Variants in ITGB3BP observed in about 807,000 individuals in gnomAD.
ITGB3BP encodes the protein centromere protein R.
A neutral mutation model predicts 29.1 loss-of-function variants in ITGB3BP; 27 were observed. The observed-to-expected ratio is 0.93, with a 90% CI of 0.68 to 1.28. The LOEUF (loss-of-function observed/expected upper bound fraction) is 1.28. Ranked by LOEUF, ITGB3BP falls within the 50% of genes most tolerant of loss-of-function variation. ITGB3BP has a pLI of 0.00. For synonymous variants in ITGB3BP, 61 were observed against 61.4 expected, an observed-to-expected ratio of 0.99 and a Z score of 0.03; for missense variants, 192 against 200.2, an observed-to-expected ratio of 0.96 and a Z score of 0.25.
At chr1:63,441,802 T>G (rs1644734010) in intron 8 of ITGB3BP, among the ~76,000 whole-genome samples, 1 of 152,186 alleles carries the variant, frequency 6.6e-6, no homozygotes, top group East Asian at 1.9e-4. Flanking sequence ...TATGTCCCTC[T>G]GGGGACTCCT....
chr1:63,489,496 G>A (rs1645600602), intron 3 of ITGB3BP, among the ~76,000 whole-genome samples: 1 of 150,586 alleles, frequency 6.6e-6, no homozygotes, highest in East Asian at 1.9e-4. Flanking sequence ...AATATGTATG[G>A]TCAAAATTAA....
chr1:63,523,399 A>G, upstream of ITGB3BP: 1 of 552,288 alleles, frequency 1.8e-6, no homozygotes, highest in Non-Finnish European at 3.3e-6. Context: ...TACTCTGGCC[A>G]TACCACCCCC....
At chr1:63,496,030 T>C (rs1413712382) in intron 2 of ITGB3BP, among the ~76,000 whole-genome samples, 5 of 152,036 alleles carry the variant, frequency 3.3e-5, no homozygotes, top group Admixed American at 1.3e-4. Flanking sequence ...AAAGGGGCAG[T>C]TGAGGAAACA....
intron 1 of ITGB3BP, among the ~76,000 whole-genome samples, chr1:63,519,518 C>T (rs987633859): frequency 2.0e-5 from 3 of 152,038 alleles, no homozygotes; most frequent in Admixed American, 6.6e-5. Flanking sequence ...CTGACTTTTA[C>T]AAGCAGGAAA....
intron 4 of ITGB3BP, chr1:63,457,422 A>G (rs1444686609): frequency 6.6e-6 from 1 of 152,134 alleles, no homozygotes; most frequent in African/African-American, 2.4e-5. Flanking sequence ...TGTATTTTCA[A>G]TGCATGGTTC....
In ITGB3BP at chr1:63,488,921, T is replaced by C. The variant is rs17125040; in HGVS notation, c.184+1162A>G. ...TGAAATCATGTGACCAATCTTTTTATGGGCAAAAGGAATGTCCCCTTAAGT... is the reference window on the plus strand; with the variant it reads ...TGAAATCATGTGACCAATCTTTTTACGGGCAAAAGGAATGTCCCCTTAAGT... On this transcript the variant is annotated intron_variant, in intron 3 of 8. Coordinates refer to ENST00000271002, the MANE Select transcript of ITGB3BP (RefSeq NM_014288.5). Among the ~76,000 whole-genome samples the C allele has an allele frequency of 9.7e-3, 1,472 of 152,182 alleles. 23 individuals carry two copies. The highest frequency in any genetic ancestry group is 0.033 in the African/African-American group (1,360 of 41,550).
At chr1:63,448,053 A>G (rs902058619) in intron 7 of ITGB3BP, among the ~76,000 whole-genome samples, 1 of 151,634 alleles carries the variant, frequency 6.6e-6, no homozygotes, top group African/African-American at 2.4e-5. Flanking sequence ...ATTGGAAATC[A>G]TCATTCTCAG....
intron 4 of ITGB3BP, among the ~76,000 whole-genome samples, chr1:63,473,816 G>A (rs1275070883): frequency 1.6e-5 from 1 of 64,338 alleles, no homozygotes; most frequent in African/African-American, 6.1e-5. Context: ...CCCCCCGCCC[G>A]GCCGGCCGCC....
chr1:63,463,224 G>T (rs904511466), intron 4 of ITGB3BP, among the ~76,000 whole-genome samples: 1 of 134,176 alleles, frequency 7.5e-6, no homozygotes, highest in Admixed American at 8.3e-5. Context: ...ACTCCAGCAT[G>T]GGCAACAAGA....
chr1:63,502,774 T>C (rs12044131), intron 2 of ITGB3BP, among the ~76,000 whole-genome samples: 22,579 of 151,350 alleles, frequency 0.15, 2,189 homozygotes, highest in South Asian at 0.22. Context: ...GTTTGGTTTT[T>C]TGTCCTTGCG....
chr1:63,452,496 A>G (rs991620333), intron 7 of ITGB3BP, among the ~76,000 whole-genome samples: 3 of 152,232 alleles, frequency 2.0e-5, no homozygotes, highest in Non-Finnish European at 2.9e-5. Context: ...TAATCAAATT[A>G]CACAACTAAA....
At chr1:63,474,479 A>G (rs1210593563) in intron 4 of ITGB3BP, among the ~76,000 whole-genome samples, 1 of 151,390 alleles carries the variant, frequency 6.6e-6, no homozygotes, top group African/African-American at 2.4e-5. Context: ...GAAGAAATTG[A>G]GAAATCGGAT....
intron 4 of ITGB3BP, 70 bp downstream of exon 4, chr1:63,478,694 G>T (rs557245534): frequency 2.8e-6 from 2 of 726,660 alleles, no homozygotes; most frequent in South Asian, 3.6e-5. Flanking sequence ...GCTTTTAAAC[G>T]GTCACTTTAA....
At chr1:63,493,445 C>A (rs1475185067) in intron 2 of ITGB3BP, among the ~76,000 whole-genome samples, 1 of 151,844 alleles carries the variant, frequency 6.6e-6, no homozygotes, top group Non-Finnish European at 1.5e-5. Context: ...AACAAACAAA[C>A]AAACAAACAA....
chr1:63,449,302 G>C (rs1418713403), intron 7 of ITGB3BP: 1 of 152,430 alleles, frequency 6.6e-6, no homozygotes, highest in Admixed American at 6.6e-5. Context: ...ATGTCTGATA[G>C]CAAGTTATTT....
chr1:63,488,702 G>A (rs1645581170), intron 3 of ITGB3BP, among the ~76,000 whole-genome samples: 1 of 151,974 alleles, frequency 6.6e-6, no homozygotes, highest in African/African-American at 2.4e-5. Context: ...TTCTATATGT[G>A]AGATATATAT....
intron 3 of ITGB3BP, among the ~76,000 whole-genome samples, chr1:63,479,385 T>G (rs543593661): frequency 6.6e-6 from 1 of 152,322 alleles, no homozygotes; most frequent in South Asian, 2.1e-4. Flanking sequence ...AATATGTATA[T>G]ATTGTGAAAT....
rs184073515 is a variant in ITGB3BP at position 63,461,012 on chromosome 1, G to C, written c.255-6044C>G. On this transcript the variant is annotated intron_variant, in intron 4 of 8. Coordinates refer to ENST00000271002, the MANE Select transcript of ITGB3BP (RefSeq NM_014288.5). ...CCCAGCACTTTGGGAGGCTGAGGTG[G>C]GCAGATCACGAGGTTAGGAGATCGA... 3.2e-3 allele frequency among the ~76,000 whole-genome samples: 478 copies of C among 151,378 alleles called. 2 individuals carry two copies. Among genetic ancestry groups the C allele is most frequent in the African/African-American group, 0.011 (457 of 41,186 alleles).
At position 63,478,774 on chromosome 1, in the gene ITGB3BP, CT is replaced by C. The variant is rs749074680; in HGVS notation, c.243del (p.Asp82ThrfsTer6). 3.2e-5 allele frequency: 46 copies of C among 1,450,564 alleles called. No homozygotes were observed. The South Asian group carries it at 5.4e-4, about 17-fold the overall frequency. 89.9% of individuals were successfully genotyped at this position (1,450,564 alleles called of 1,614,324 possible). ...AAATAACAAACTTACTCATCATTGT[CT>C]TTTGTTGTAGATTCTTTGCTTTCAG... is the stretch of plus-strand genomic sequence containing the variant. Reference protein sequence around the residue: ...SLTESKESTTKDNDEFMMLLS... With the variant: ...SLTESKESTTXDNDEFMMLLS... On this transcript the variant is annotated frameshift_variant, in exon 4 of 9. Transcript: ENST00000271002. LOFTEE classifies it high-confidence loss of function.
Sources: gnomAD v4.1 joint callset for allele counts (sites outside exome capture counted in the v4.1 genomes callset) on GRCh38, gnomAD v4.1.1 for gene constraint, MANE v1.5 for transcripts, NCBI Gene and HGNC (gene_info 2026-07-23, HGNC 2026-07-21) for gene names.